COX18: variants seen among roughly 807,000 people sequenced by gnomAD.
The protein encoded by COX18 is cytochrome c oxidase assembly factor COX18.
A neutral mutation model predicts 38.0 loss-of-function variants in COX18; 45 were observed. That is an observed-to-expected ratio of 1.18 (90% CI 0.93 to 1.52). The LOEUF (loss-of-function observed/expected upper bound fraction) is 1.52. Among genes scored for constraint, COX18 ranks in the 40% most tolerant of loss-of-function variants. COX18 has a pLI of 0.00. For synonymous variants in COX18, 177 were observed against 169.8 expected (o/e 1.04, Z -0.33); for missense variants, 462 against 423.8 (o/e 1.09, Z -0.79).
In COX18 at chr4:73,052,506, C is replaced by T. The variant is rs1042329389; in HGVS notation, c.*5608G>A. 1 of 152,034 alleles carries T rather than the reference C, an allele frequency of 6.6e-6. No homozygotes were observed. The highest frequency in any genetic ancestry group is 1.5e-5 in the Non-Finnish European group (1 of 68,026). 9.4% of individuals were successfully genotyped at this position (152,034 alleles called of 1,614,324 possible). A position where few individuals can be genotyped will look rare whatever the true frequency, so the allele number is the denominator to read the frequency against. On this transcript the variant is annotated 3_prime_UTR_variant, in exon 6 of 6. Coordinates refer to ENST00000507544, the MANE Select transcript of COX18 (RefSeq NM_001297732.2). ...ATGCTGTGGCTTTAGGAAATTCCAA[C>T]TTCCCAAAACCAAATGATTTCATAA...
chr4:73,059,426 A>C (rs1220477586), intron 5 of COX18, among the ~76,000 whole-genome samples: 3 of 152,196 alleles, frequency 2.0e-5, no homozygotes, highest in Non-Finnish European at 4.4e-5. Flanking sequence ...ATTCATGTAG[A>C]GTGGTATGCA....
At chr4:73,066,133 T>C (rs1415125868) in intron 2 of COX18, among the ~76,000 whole-genome samples, 2 of 152,256 alleles carry the variant, frequency 1.3e-5, no homozygotes, top group Admixed American at 6.5e-5. Context: ...AGTCAAATTA[T>C]AGTGTATAAT....
At position 73,069,628 on chromosome 4, in the gene COX18, G is replaced by C; in HGVS notation, c.22C>G (p.Arg8Gly). 1 of 1,548,580 alleles carries C rather than the reference G, an allele frequency of 6.5e-7. No homozygotes were observed. Among genetic ancestry groups the C allele is most frequent in the Non-Finnish European group, 8.7e-7 (1 of 1,151,804 alleles). ...AGGGCAGGGAGCGGCCGCAGCCACCGACCGCCGAGCCGGCACAGCATTTCT... is the reference window on the plus strand; with the variant it reads ...AGGGCAGGGAGCGGCCGCAGCCACCCACCGCCGAGCCGGCACAGCATTTCT... MLCRLGG[R>G]WLRPLPALQL... The change falls in exon 1 of 6, where the codon CGG becomes GGG. Residue 8 changes from arginine to glycine, a missense_variant. Physicochemically the swap from Arg to Gly is moderately radical, Grantham distance 125. Transcript: ENST00000507544.
At chr4:73,059,149 C>A (rs562037026) in intron 5 of COX18, among the ~76,000 whole-genome samples, 1 of 152,122 alleles carries the variant, frequency 6.6e-6, no homozygotes, top group Non-Finnish European at 1.5e-5. Flanking sequence ...TAGGTCAATA[C>A]GAAGTTCTAC....
Position 73,068,086 on chromosome 4 carries a change from A to T in COX18, c.377T>A (p.Leu126His), listed in dbSNP as rs748015296. ...TGCACGAACTGCAACTTCTTGGTTAAGATGCCTGGCAATAGTTTTTATTTC... is the reference window on the plus strand; with the variant it reads ...TGCACGAACTGCAACTTCTTGGTTATGATGCCTGGCAATAGTTTTTATTTC... ...QPEIKTIARH[L>H]NQEVAVRANQ... Residue 126 changes from leucine to histidine, a missense_variant, in exon 2 of 6, where the codon CTT (leucine) becomes CAT (histidine). Leu to His is a moderately conservative substitution (Grantham distance 99, BLOSUM62 -3). Transcript: ENST00000507544. 1 of 1,608,864 alleles carries T rather than the reference A, an allele frequency of 6.2e-7. No individual in the cohort carries two copies. Among genetic ancestry groups the T allele is most frequent in the Non-Finnish European group, 8.5e-7 (1 of 1,178,534 alleles).
Position 73,065,292 on chromosome 4 carries a change from A to T in COX18, c.556T>A (p.Phe186Ile), listed in dbSNP as rs193287733. 1 of 1,613,870 alleles carries T rather than the reference A, an allele frequency of 6.2e-7. No individual in the cohort carries two copies. Among genetic ancestry groups the T allele is most frequent in the East Asian group, 2.2e-5 (1 of 44,872 alleles). The change falls in exon 3 of 6, where the codon TTT (phenylalanine) becomes ATT (isoleucine). Residue 186 changes from phenylalanine (F) to isoleucine (I), a missense_variant. By Grantham distance (21) the Phe-to-Ile change is conservative. Transcript: ENST00000507544. ...IQLPMWIFMS[F>I]ALRNLSTGAA... ...CCCGTGCTTAAATTCCGGAGAGCAA[A>T]AGACATGAAGATCCACATTGGAAGC...
At chr4:73,059,080 G>C (rs1358488822) in intron 5 of COX18, among the ~76,000 whole-genome samples, 1 of 152,192 alleles carries the variant, frequency 6.6e-6, no homozygotes, top group Non-Finnish European at 1.5e-5. Flanking sequence ...CCTGCTGTCA[G>C]CCGGCTCCTA....
Position 73,055,404 on chromosome 4 carries a change from T to C in COX18, c.*2710A>G, listed in dbSNP as rs558019201. ...GGTTAGGTTTCTGCAAGCTTTGTTT[T>C]TGTCAACAGAACAATGCAACATATT... On this transcript the variant is annotated 3_prime_UTR_variant, in exon 6 of 6. Coordinates refer to ENST00000507544, the MANE Select transcript of COX18 (RefSeq NM_001297732.2). 2 of 152,350 alleles carry C rather than the reference T, an allele frequency of 1.3e-5. No homozygotes were observed. The highest frequency in any genetic ancestry group is 4.1e-4 in the South Asian group (2 of 4,830). 9.4% of individuals were successfully genotyped at this position (152,350 alleles called of 1,614,324 possible). A position where few individuals can be genotyped will look rare whatever the true frequency, so the allele number is the denominator to read the frequency against.
In COX18 at chr4:73,058,254, C is replaced by T. The variant is rs201251329; in HGVS notation, c.865G>A (p.Val289Met). ...AGCAGCAAATTCTGTGAAAGGCCCA[C>T]GAAGCTGGAGCATAACCAGTAGAGA... ...IVLYWLCSSFVGLSQNLLLRS... is the reference protein window; with the variant it reads ...IVLYWLCSSFMGLSQNLLLRS... The change falls in exon 6 of 6, where the codon GTG becomes ATG. Residue 289 changes from valine (V) to methionine (M), a missense_variant. By Grantham distance (21) the Val-to-Met change is conservative (BLOSUM62 1). Coordinates refer to ENST00000507544, the MANE Select transcript of COX18 (RefSeq NM_001297732.2). 22 of 1,613,392 alleles carry T rather than the reference C, an allele frequency of 1.4e-5. No individual in the cohort carries two copies. The highest frequency in any genetic ancestry group is 6.7e-5 in the East Asian group (3 of 44,864).
rs535147150 is a variant in COX18, at chr4:73,061,264, C to T, written c.831+549G>A. On this transcript the variant is annotated intron_variant, in intron 5 of 5. Transcript: ENST00000507544. ...CATAGGCAGAACTAATTCAATATAC[C>T]AAGTAGTCAAATGGAAGAAATACCA... 8.6e-5 allele frequency among the ~76,000 whole-genome samples: 13 copies of T among 152,012 alleles called. No homozygotes were observed. In the South Asian group the frequency reaches 2.3e-3, roughly 27 times the overall value.
intron 1 of COX18, chr4:73,068,481 G>A (rs1720583151): frequency 5.7e-6 from 1 of 175,222 alleles, no homozygotes; most frequent in Admixed American, 5.6e-5. Context: ...TAACGTAAGC[G>A]GAGAAAACAG....
At chr4:73,067,607 C>A (rs1197697095) in intron 2 of COX18, among the ~76,000 whole-genome samples, 1 of 151,234 alleles carries the variant, frequency 6.6e-6, no homozygotes. Flanking sequence ...TTTGGGAGGC[C>A]GAGGAGGGTG....
chr4:73,069,582 A>G lies in COX18; in HGVS notation c.68T>C (p.Leu23Pro), dbSNP rs1046114920. ...LPALQLWARDLPLAPVPTSGA... is the reference protein window; with the variant it reads ...LPALQLWARDPPLAPVPTSGA... Reference sequence around the variant, plus strand: ...GCTCGTAGGAACCGGCGCAAGCGGCAGGTCCCTAGCCCAAAGCTGCAGGGC... The same window carrying G: ...GCTCGTAGGAACCGGCGCAAGCGGCGGGTCCCTAGCCCAAAGCTGCAGGGC... Residue 23 changes from leucine to proline, a missense_variant, in exon 1 of 6, where the codon CTG (leucine) becomes CCG (proline). Coordinates refer to ENST00000507544, the MANE Select transcript of COX18 (RefSeq NM_001297732.2). 1 of 1,560,576 alleles carries G rather than the reference A, an allele frequency of 6.4e-7. No individual in the cohort carries two copies. Among genetic ancestry groups the G allele is most frequent in the South Asian group, 1.2e-5 (1 of 85,456 alleles).
chr4:73,065,196 T>TATTAAAA, intron 3 of COX18, 54 bp downstream of exon 3: 4 of 1,183,498 alleles, frequency 3.4e-6, no homozygotes, highest in South Asian at 1.6e-5. Context: ...TTTTTTTTTT[T>TATTAAAA]AGTACAAAGA....
rs537396450 is a variant in COX18, at chr4:73,052,834, G to A, written c.*5280C>T. ...TGTAGTAGCTGCAGTTAACACCCCA[G>A]AGGAAAAAATAAACTACATTCTTTA... is the stretch of plus-strand genomic sequence containing the variant. On this transcript the variant is annotated 3_prime_UTR_variant, in exon 6 of 6. Coordinates refer to ENST00000507544, the MANE Select transcript of COX18 (RefSeq NM_001297732.2). 1 of 151,402 alleles carries A rather than the reference G, an allele frequency of 6.6e-6. No homozygotes were observed. The highest frequency in any genetic ancestry group is 1.5e-5 in the Non-Finnish European group (1 of 67,972). The allele number at this position is 151,402 out of a possible 1,614,324, so 9.4% of individuals were successfully genotyped here.
chr4:73,060,118 C>G (rs1255868141), intron 5 of COX18, among the ~76,000 whole-genome samples: 1 of 152,178 alleles, frequency 6.6e-6, no homozygotes, highest in Non-Finnish European at 1.5e-5. Context: ...CTGTGGATAA[C>G]AAAGCAGAAA....
intron 5 of COX18, among the ~76,000 whole-genome samples, chr4:73,058,705 T>A (rs1437788251): frequency 6.6e-6 from 1 of 152,182 alleles, no homozygotes; most frequent in African/African-American, 2.4e-5. Flanking sequence ...CATACAGTCA[T>A]CTATCTTCCA....
intron 4 of COX18, among the ~76,000 whole-genome samples, chr4:73,062,843 A>G: frequency 6.7e-6 from 1 of 149,534 alleles, no homozygotes; most frequent in Non-Finnish European, 1.5e-5. Flanking sequence ...TCCAAAAAAA[A>G]GAAAAGAAGG....
chr4:73,066,694 G>C (rs1436309551), intron 2 of COX18, among the ~76,000 whole-genome samples: 1 of 152,210 alleles, frequency 6.6e-6, no homozygotes, highest in Non-Finnish European at 1.5e-5. Context: ...CAGGCAAGCA[G>C]CTATTAATCT....
Sources: gnomAD v4.1 joint callset for allele counts (sites outside exome capture counted in the v4.1 genomes callset) on GRCh38, gnomAD v4.1.1 for gene constraint, MANE v1.5 for transcripts, NCBI Gene and HGNC (gene_info 2026-07-23, HGNC 2026-07-21) for gene names.